FLT4: variants seen among roughly 807,000 people sequenced by gnomAD.
FLT4 encodes the protein fms related receptor tyrosine kinase 4, also known as vascular endothelial growth factor receptor 3.
In FLT4, 30 loss-of-function variants were observed where a neutral mutation model predicts 163.2. That is an observed-to-expected ratio of 0.18 (90% CI 0.14 to 0.25). The LOEUF (loss-of-function observed/expected upper bound fraction) is 0.25, where lower values mean the gene tolerates loss of function less well. FLT4 is among the 10% of genes least tolerant of loss of function. FLT4 has a pLI of 1.00. For synonymous variants in FLT4, 884 were observed against 789.5 expected (o/e 1.12, Z -2.01); for missense variants, 1,510 against 1,863.8 (o/e 0.81, Z 3.50).
At chr5:180,608,490 GTCTT>G (rs1761928317) in intron 29 of FLT4, among the ~76,000 whole-genome samples, 1 of 152,160 alleles carries the variant, frequency 6.6e-6, no homozygotes, top group African/African-American at 2.4e-5. Flanking sequence ...TCTGTCTTGT[GTCTT>G]TCTTTCTTAC....
chr5:180,647,898 G>A (rs544261856), intron 1 of FLT4, among the ~76,000 whole-genome samples: 47 of 152,194 alleles, frequency 3.1e-4, no homozygotes, highest in East Asian at 2.5e-3. Context: ...TGCTCCACCC[G>A]GGAGCACCAG....
chr5:180,645,022 T>C (rs1765413905), intron 1 of FLT4, among the ~76,000 whole-genome samples: 1 of 152,024 alleles, frequency 6.6e-6, no homozygotes, highest in Non-Finnish European at 1.5e-5. Context: ...GGGGCTGGTG[T>C]GTGCAGTGGG....
At chr5:180,626,618 C>G (rs1402886474) in intron 8 of FLT4, among the ~76,000 whole-genome samples, 1 of 152,338 alleles carries the variant, frequency 6.6e-6, no homozygotes, top group East Asian at 1.9e-4. Flanking sequence ...TGCAGACAGC[C>G]TTCTTCAGCC....
At chr5:180,627,743 C>G (rs556676636) in intron 8 of FLT4, among the ~76,000 whole-genome samples, 1 of 152,168 alleles carries the variant, frequency 6.6e-6, no homozygotes, top group African/African-American at 2.4e-5. Context: ...AGAGCTGCCA[C>G]CTGCCCAGAG....
intron 8 of FLT4, among the ~76,000 whole-genome samples, chr5:180,626,983 G>A (rs1044553182): frequency 2.6e-5 from 4 of 152,160 alleles, no homozygotes; most frequent in Non-Finnish European, 4.4e-5. Context: ...TTTGCCCATC[G>A]TCCCCCTGGG....
chr5:180,611,052 G>A lies in FLT4; in HGVS notation c.3686+279C>T, dbSNP rs192735933. ...AGCCTGGGCGACAGAGCGAGACTCC[G>A]TCTCAAAAAAATAAATAAATAAATA... On this transcript the variant is annotated intron_variant, in intron 27 of 29. Coordinates refer to ENST00000261937, the MANE Select transcript of FLT4 (RefSeq NM_182925.5). Among the ~76,000 whole-genome samples the A allele has an allele frequency of 2.7e-3, 409 of 152,254 alleles. 4 individuals are homozygous for A. The highest frequency in any genetic ancestry group is 4.2e-3 in the Non-Finnish European group (284 of 68,012).
intron 1 of FLT4, among the ~76,000 whole-genome samples, chr5:180,637,364 A>G (rs1162982616): frequency 6.7e-6 from 1 of 150,126 alleles, no homozygotes; most frequent in Non-Finnish European, 1.5e-5. Flanking sequence ...AAAAAGAAAA[A>G]CTCCCCATCT....
rs370400747 is a variant in FLT4 at position 180,641,155 on chromosome 5, G to A, written c.58+8333C>T. ...TGGGCTGTGTCCTCTGTCCTCCCTC[G>A]TCCTCTGTGCCCGGCAAACTGCTGC... On this transcript the variant is annotated intron_variant, in intron 1 of 29. Coordinates refer to ENST00000261937, the MANE Select transcript of FLT4 (RefSeq NM_182925.5). 2.7e-4 allele frequency among the ~76,000 whole-genome samples: 41 copies of A among 152,242 alleles called. No homozygotes were observed. In the East Asian group the frequency reaches 3.5e-3, roughly 13 times the overall value.
At chr5:180,612,964 C>T in intron 25 of FLT4, 47 bp downstream of exon 25, 2 of 1,472,604 alleles carry the variant, frequency 1.4e-6, no homozygotes, top group Non-Finnish European at 1.9e-6. Flanking sequence ...CCCCACGCCC[C>T]CGACGCTTGC....
Position 180,620,224 on chromosome 5 carries a change from G to T in FLT4, c.2491C>A (p.Leu831Met), listed in dbSNP as rs776853944. 6.2e-7 allele frequency: 1 copy of T among 1,611,572 alleles called. No homozygotes were observed. Among genetic ancestry groups the T allele is most frequent in the Non-Finnish European group, 8.5e-7 (1 of 1,179,968 alleles). ...TCCCACTGGCTGGCATCGTAGGACA[G>T]GTATTCGCATTGCTCCTCCAGAGGC... ...EVPLEEQCEY[L>M]SYDASQWEFP... The change falls in exon 17 of 30, where the codon CTG becomes ATG. Residue 831 changes from leucine (L) to methionine (M), a missense_variant. Leu to Met is a conservative substitution (Grantham distance 15, BLOSUM62 2). Coordinates refer to ENST00000261937, the MANE Select transcript of FLT4 (RefSeq NM_182925.5). This position sits in a 1 kb window ranked among gnomAD's most constrained non-coding sequence, Gnocchi z 4.4.
At chr5:180,629,139 G>C in intron 7 of FLT4, 120 bp downstream of exon 7, 2 of 1,446,188 alleles carry the variant, frequency 1.4e-6, no homozygotes, top group Admixed American at 1.7e-5. Context: ...GCAGGAGCTG[G>C]GCAGCTCCTC....
chr5:180,626,343 TACAG>T, intron 8 of FLT4, 78 bp from the exon 9 acceptor site: 4 of 1,510,906 alleles, frequency 2.6e-6, no homozygotes, highest in Non-Finnish European at 3.6e-6. Context: ...CCACCCCAAA[TACAG>T]TTGGGAGGAG....
At chr5:180,617,134 A>T in intron 21 of FLT4, 140 bp from the exon 22 acceptor site, 1 of 676,052 alleles carries the variant, frequency 1.5e-6, no homozygotes, top group Non-Finnish European at 2.6e-6. Context: ...ACTCCAGAGC[A>T]CCCTCTCCTG....
intron 9 of FLT4, 36 bp from the exon 10 acceptor site, chr5:180,626,067 A>C (rs2127827626): frequency 1.2e-6 from 2 of 1,612,666 alleles, no homozygotes; most frequent in Non-Finnish European, 1.7e-6. Context: ...GCTGGCCTCC[A>C]ATGCCAGGCC....
chr5:180,619,554 G>C, intron 18 of FLT4, 111 bp downstream of exon 18: 1 of 1,043,866 alleles, frequency 9.6e-7, no homozygotes. Context: ...AATCTCGGAT[G>C]AGACTGGCTT....
rs35171798 is a variant in FLT4, at chr5:180,619,710, G to A, written c.2602C>T (p.His868Tyr). The part of the protein sequence containing the change: ...KVVEASAFGI[H>Y]KGSSCDTVAV... ...ACGGTGTCACAGCTGCTGCCCTTGT[G>A]GATGCCGAAAGCGGAGGCTTCCACC... The change falls in exon 18 of 30, where the codon CAC becomes TAC. Residue 868 changes from histidine to tyrosine, a missense_variant. By Grantham distance (83) the His-to-Tyr change is moderately conservative. Around this residue, in one of 5 missense-constraint regions of FLT4, gnomAD observed 878 missense variants for 1,016.7 expected, o/e 0.86. Transcript: ENST00000261937. The A allele has an allele frequency of 7.6e-5, 122 of 1,612,730 alleles. No individual in the cohort carries two copies. In the African/African-American group the frequency reaches 1.4e-3, roughly 18 times the overall value.
At position 180,619,244 on chromosome 5, in the gene FLT4, G is replaced by A. The variant is rs1297452101; in HGVS notation, c.2761+9C>T. The A allele has an allele frequency of 2.5e-6, 4 of 1,601,536 alleles. No individual in the cohort carries two copies. The highest frequency in any genetic ancestry group is 2.7e-5 in the African/African-American group (2 of 74,416). On this transcript the variant is annotated intron_variant, in intron 19 of 29. Coordinates refer to ENST00000261937, the MANE Select transcript of FLT4 (RefSeq NM_182925.5). ...GTCTCGCCGTCCCAGCGGGCCGCCC[G>A]CTCCGTACCCTGCGGCTTGGTGCAC... is the stretch of plus-strand genomic sequence containing the variant.
rs1763047539 is a variant in FLT4, at chr5:180,620,581, TC to T, written c.2406+27del. 6.5e-7 allele frequency: 1 copy of T among 1,531,654 alleles called. No individual in the cohort carries two copies. Among genetic ancestry groups the T allele is most frequent in the African/African-American group, 1.4e-5 (1 of 73,216 alleles). 94.9% of individuals were successfully genotyped at this position (1,531,654 alleles called of 1,614,324 possible). A position where few individuals can be genotyped will look rare whatever the true frequency, so the allele number is the denominator to read the frequency against. On this transcript the variant is annotated intron_variant, in intron 16 of 29. Transcript: ENST00000261937. This position sits in a 1 kb window ranked among gnomAD's most constrained non-coding sequence, Gnocchi z 4.4. Reference sequence around the variant, plus strand: ...AGGGTGGGGAAGGCCTGAGAGAGACTCCATCAGGAGCGGGGAGGGACACTCA... The same window carrying T: ...AGGGTGGGGAAGGCCTGAGAGAGACTCATCAGGAGCGGGGAGGGACACTCA...
intron 27 of FLT4, among the ~76,000 whole-genome samples, chr5:180,610,366 G>A (rs748654182): frequency 7.9e-5 from 12 of 152,370 alleles, no homozygotes; most frequent in Middle Eastern, 3.4e-3. Flanking sequence ...GCTGCAAGCC[G>A]CCGACTGCCC....
Sources: gnomAD v4.1 joint callset for allele counts (sites outside exome capture counted in the v4.1 genomes callset) on GRCh38, gnomAD v4.1.1 for gene constraint, gnomAD v4.1.1 regional missense constraint, Gnocchi (gnomAD v3.1) non-coding constraint, MANE v1.5 for transcripts, NCBI Gene and HGNC (gene_info 2026-07-23, HGNC 2026-07-21) for gene names.